The following PKHD1 variants were observed in gnomAD, a reference collection of about 807,000 sequenced individuals.
PKHD1 encodes fibrocystin.
Under a neutral mutation model 412.0 loss-of-function variants are expected in PKHD1, and 291 were observed. The observed-to-expected ratio is 0.71, with a 90% CI of 0.64 to 0.78. The LOEUF is 0.78. Ranked by LOEUF, PKHD1 falls within the 30% of genes least tolerant of loss-of-function variation. PKHD1 has a pLI of 0.00. For missense variants in PKHD1, 4,825 were observed against 4,950.7 expected, an observed-to-expected ratio of 0.97 and a Z score of 0.76; for synonymous variants, 1,777 against 1,821.5, an observed-to-expected ratio of 0.98 and a Z score of 0.62.
At chr6:51,724,214 AC>A (rs1279358029) in intron 60 of PKHD1, among the ~76,000 whole-genome samples, 1 of 152,044 alleles carries the variant, frequency 6.6e-6, no homozygotes, top group Non-Finnish European at 1.5e-5. Flanking sequence ...TTCTCCCCTC[AC>A]CTTCTTATAA....
chr6:51,740,435 A>G (rs1192559589), intron 60 of PKHD1, among the ~76,000 whole-genome samples: 1 of 152,218 alleles, frequency 6.6e-6, no homozygotes, highest in Non-Finnish European at 1.5e-5. Context: ...AATGGATTCC[A>G]AATGACTTGG....
intron 60 of PKHD1, among the ~76,000 whole-genome samples, chr6:51,727,572 TC>T (rs1157492260): frequency 1.3e-5 from 2 of 152,196 alleles, no homozygotes; most frequent in African/African-American, 4.8e-5. Flanking sequence ...TCATGATTCT[TC>T]CCTTAGGGTG....
chr6:51,865,564 T>A (rs954987240), intron 48 of PKHD1, among the ~76,000 whole-genome samples: 1 of 152,128 alleles, frequency 6.6e-6, no homozygotes, highest in South Asian at 2.1e-4. Context: ...AGGAAGAGGA[T>A]GTCTTGTTTA....
At position 51,860,204 on chromosome 6, in the gene PKHD1, A is replaced by T. The variant is rs1773964717; in HGVS notation, c.7734-4134T>A. Among the ~76,000 whole-genome samples, 6 of 152,186 alleles carry T rather than the reference A, an allele frequency of 3.9e-5. No individual in the cohort carries two copies. In the South Asian group the frequency reaches 1.2e-3, roughly 32 times the overall value. ...AGAGAGGGTCATATGGTAAGCATTC[A>T]GATATGCTTTCCACTCTGAAAAGCA... is the stretch of plus-strand genomic sequence containing the variant. On this transcript the variant is annotated intron_variant, in intron 48 of 66. Coordinates refer to ENST00000371117, the MANE Select transcript of PKHD1 (RefSeq NM_138694.4).
intron 52 of PKHD1, among the ~76,000 whole-genome samples, chr6:51,822,591 T>C (rs1048419639): frequency 3.9e-5 from 6 of 152,204 alleles, no homozygotes; most frequent in Non-Finnish European, 1.5e-5. Flanking sequence ...GCTTCCTTAG[T>C]CAATTCTTCT....
rs1188949424 is a variant in PKHD1, at chr6:51,791,246, C to T, written c.8430G>A (p.Glu2810=). 5 of 1,614,004 alleles carry T rather than the reference C, an allele frequency of 3.1e-6. No homozygotes were observed. In the Admixed American group the frequency reaches 5.0e-5, roughly 16 times the overall value. The change falls in exon 53 of 67, where the codon GAG becomes GAA. Residue 2810 remains glutamate (E), a synonymous_variant. Transcript: ENST00000371117. Reference sequence around the variant, plus strand: ...TGTGCCTTTACTCACCAACTTTCAGCTCCCCGCCTGCAATGACCATGCATG... The same window carrying T: ...TGTGCCTTTACTCACCAACTTTCAGTTCCCCGCCTGCAATGACCATGCATG... ...SVACMVIAGG[E]LKVGTLENPL...
At chr6:51,638,808 A>AAAC (rs765880814) in intron 64 of PKHD1, 41 bp downstream of exon 64, 1 of 1,273,938 alleles carries the variant, frequency 7.8e-7, no homozygotes, top group East Asian at 2.3e-5. Context: ...TCAAAAAAAA[A>AAAC]AAAAAAAAAC....
chr6:52,056,012 G>C (rs1807668722), intron 18 of PKHD1, among the ~76,000 whole-genome samples: 1 of 152,114 alleles, frequency 6.6e-6, no homozygotes, highest in African/African-American at 2.4e-5. Context: ...AATATTTTAG[G>C]GGCTGGATAA....
intron 27 of PKHD1, among the ~76,000 whole-genome samples, chr6:52,039,024 TA>T: frequency 6.6e-6 from 1 of 152,178 alleles, no homozygotes; most frequent in Non-Finnish European, 1.5e-5. Context: ...TTTAAGAACT[TA>T]CACCTCAACA....
intron 53 of PKHD1, among the ~76,000 whole-genome samples, chr6:51,786,386 A>C (rs1373058051): frequency 6.6e-6 from 1 of 151,852 alleles, no homozygotes; most frequent in African/African-American, 2.4e-5. Flanking sequence ...CTCACTTTTC[A>C]CTGTGTCCCT....
chr6:51,866,914 T>G (rs938778390), intron 48 of PKHD1, among the ~76,000 whole-genome samples: 1 of 152,134 alleles, frequency 6.6e-6, no homozygotes, highest in African/African-American at 2.4e-5. Context: ...TCAGGTAGAA[T>G]AATGAATGTC....
chr6:51,691,178 GA>G (rs58594952), intron 60 of PKHD1, among the ~76,000 whole-genome samples: 119,456 of 152,014 alleles, frequency 0.79, 47,643 homozygotes, highest in Middle Eastern at 0.88. Flanking sequence ...AAGTTGTGGA[GA>G]AAAAAGGAAT....
At chr6:51,940,799 T>C (rs1032265756) in intron 36 of PKHD1, among the ~76,000 whole-genome samples, 3 of 151,598 alleles carry the variant, frequency 2.0e-5, no homozygotes, top group African/African-American at 7.2e-5. Context: ...AGGACCTGTT[T>C]CCCTTGCCTC....
intron 37 of PKHD1, 120 bp from the exon 38 acceptor site, chr6:51,912,696 A>G: frequency 1.3e-6 from 1 of 764,096 alleles, no homozygotes; most frequent in Non-Finnish European, 2.3e-6. Context: ...TAAGACCTGG[A>G]AAAGCAAGCT....
intron 36 of PKHD1, among the ~76,000 whole-genome samples, chr6:51,946,399 GA>G (rs1789457895): frequency 6.6e-6 from 1 of 152,150 alleles, no homozygotes; most frequent in African/African-American, 2.4e-5. Flanking sequence ...ATAAACAAAT[GA>G]AACCTTCTTT....
intron 62 of PKHD1, among the ~76,000 whole-genome samples, 196 bp from the exon 63 acceptor site, chr6:51,648,314 G>T (rs1373233064): frequency 2.0e-5 from 3 of 152,198 alleles, no homozygotes; most frequent in African/African-American, 4.8e-5. Flanking sequence ...GAAGAGTGAG[G>T]AAATTATTGC....
intron 36 of PKHD1, among the ~76,000 whole-genome samples, chr6:51,935,139 C>T (rs939109089): frequency 2.6e-5 from 4 of 152,098 alleles, no homozygotes; most frequent in African/African-American, 9.7e-5. Flanking sequence ...AGTAGGTTAC[C>T]CAATACCTTC....
At chr6:51,740,168 G>T (rs777928692) in intron 60 of PKHD1, 4 of 384,036 alleles carry the variant, frequency 1.0e-5, no homozygotes, top group African/African-American at 2.1e-5. Context: ...CAAGTTGGCT[G>T]CACATGCAAA....
At chr6:51,664,187 G>T (rs1176407933) in intron 60 of PKHD1, among the ~76,000 whole-genome samples, 1 of 152,060 alleles carries the variant, frequency 6.6e-6, no homozygotes, top group African/African-American at 2.4e-5. Flanking sequence ...CCAGAAGCCA[G>T]TCTGTCATAA....
Sources: gnomAD v4.1 joint callset for allele counts (sites outside exome capture counted in the v4.1 genomes callset) on GRCh38, gnomAD v4.1.1 for gene constraint, MANE v1.5 for transcripts, NCBI Gene and HGNC (gene_info 2026-07-23, HGNC 2026-07-21) for gene names.